ACTN1: variants seen among roughly 807,000 people sequenced by gnomAD.
The protein encoded by ACTN1 is actinin alpha 1.
ACTN1 carries 30 observed loss-of-function variants against 119.6 expected under a neutral mutation model. The ratio of observed to expected loss-of-function variants is 0.25; its 90% CI spans 0.19 to 0.34. ACTN1 has a LOEUF of 0.34. Ranked by LOEUF, ACTN1 falls within the 10% of genes least tolerant of loss-of-function variation. The pLI, the probability that ACTN1 is intolerant of heterozygous loss-of-function variation, is 1.00. For synonymous variants in ACTN1, 429 were observed against 472.6 expected (o/e 0.91, Z 1.20); for missense variants, 764 against 1,223.4 (o/e 0.62, Z 5.60).
At chr14:68,884,659 GGA>G in intron 13 of ACTN1, 114 bp downstream of exon 13, 1 of 889,884 alleles carries the variant, frequency 1.1e-6, no homozygotes, top group Non-Finnish European at 1.8e-6. Flanking sequence ...CAGGGTTGGG[GGA>G]GGTCTGGGGA....
At chr14:68,928,859 G>A (rs2035060343) in intron 1 of ACTN1, among the ~76,000 whole-genome samples, 2 of 152,108 alleles carry the variant, frequency 1.3e-5, no homozygotes, top group African/African-American at 2.4e-5. Context: ...CCCACCACGC[G>A]CTGTACTGTT....
chr14:68,945,160 G>A (rs1452555155), intron 1 of ACTN1, among the ~76,000 whole-genome samples: 3 of 60,658 alleles, frequency 4.9e-5, no homozygotes, highest in African/African-American at 3.0e-4. Flanking sequence ...TAAGACTCCG[G>A]TTCAAAAAAA....
intron 3 of ACTN1, among the ~76,000 whole-genome samples, chr14:68,914,766 G>A (rs955091919): frequency 2.0e-5 from 3 of 152,074 alleles, no homozygotes; most frequent in Non-Finnish European, 2.9e-5. Flanking sequence ...TTGAGACCCT[G>A]TCTCTTAAAA....
rs767875549 is a variant in ACTN1 at position 68,905,572 on chromosome 14, G to A, written c.595-836C>T. Among the ~76,000 whole-genome samples the A allele has an allele frequency of 8.5e-5, 13 of 152,166 alleles. 1 individual carries two copies. Among genetic ancestry groups the A allele is most frequent in the Admixed American group, 2.6e-4 (4 of 15,278 alleles). ...CCCAAGTACCCATTGATGGATGAAC[G>A]GATGAGCAAAACGTGGTGATACATA... On this transcript the variant is annotated intron_variant, in intron 6 of 21. Transcript: ENST00000394419.
rs2140073902 is a variant in ACTN1, at chr14:68,880,717, C to T, written c.2133+93G>A. 1.5e-6 allele frequency: 2 copies of T among 1,351,286 alleles called. No individual in the cohort carries two copies. Among genetic ancestry groups the T allele is most frequent in the Non-Finnish European group, 1.0e-6 (1 of 970,096 alleles). The allele number at this position is 1,351,286 out of a possible 1,614,324, so 83.7% of individuals were successfully genotyped here. A position where few individuals can be genotyped will look rare whatever the true frequency, so the allele number is the denominator to read the frequency against. The stretch of plus-strand genomic sequence containing the variant: ...GGGGTGAAGTTAATTTATCCTCCAA[C>T]TATGACCTGTTCCCTTGGAGACTTC... On this transcript the variant is annotated intron_variant, in intron 17 of 21. Coordinates refer to ENST00000394419, the MANE Select transcript of ACTN1 (RefSeq NM_001130004.2). This position sits in a 1 kb window ranked among gnomAD's most constrained non-coding sequence, Gnocchi z 4.6.
intron 10 of ACTN1, among the ~76,000 whole-genome samples, 177 bp downstream of exon 10, chr14:68,891,876 T>C (rs141745273): frequency 2.6e-3 from 393 of 152,244 alleles, no homozygotes; most frequent in African/African-American, 8.6e-3. Flanking sequence ...ATGGCCGAGT[T>C]TGGGATTGAG....
At chr14:68,946,285 G>A (rs972355952) in intron 1 of ACTN1, among the ~76,000 whole-genome samples, 1 of 152,154 alleles carries the variant, frequency 6.6e-6, no homozygotes, top group Admixed American at 6.5e-5. Context: ...AACTGGAAAG[G>A]ATGACATAGT....
chr14:68,935,262 G>T (rs1161687186), intron 1 of ACTN1, among the ~76,000 whole-genome samples: 1 of 151,860 alleles, frequency 6.6e-6, no homozygotes, highest in Non-Finnish European at 1.5e-5. Context: ...GAGCTCAGGT[G>T]ATCCACCTGC....
intron 14 of ACTN1, among the ~76,000 whole-genome samples, 189 bp downstream of exon 14, chr14:68,883,979 T>C (rs1400563948): frequency 6.6e-6 from 1 of 152,212 alleles, no homozygotes; most frequent in Admixed American, 6.5e-5. Context: ...ATAAACCTTT[T>C]TAATTTTTTT....
chr14:68,875,101 G>C, intron 21 of ACTN1, 84 bp from the exon 22 acceptor site: 4 of 1,581,232 alleles, frequency 2.5e-6, no homozygotes, highest in Non-Finnish European at 3.4e-6. Flanking sequence ...AAGCCTGGCG[G>C]CGTGAAGGCA....
intron 1 of ACTN1, among the ~76,000 whole-genome samples, chr14:68,935,319 T>C (rs537951448): frequency 2.0e-5 from 3 of 149,802 alleles, no homozygotes; most frequent in Admixed American, 2.0e-4. Context: ...CTACTGTGCC[T>C]GGCAATGTGG....
intron 1 of ACTN1, among the ~76,000 whole-genome samples, chr14:68,961,949 A>G (rs1486959430): frequency 6.6e-6 from 1 of 152,132 alleles, no homozygotes; most frequent in Non-Finnish European, 1.5e-5. Flanking sequence ...CTTCTCCTTC[A>G]CAAGACACCC....
intron 20 of ACTN1, chr14:68,877,604 T>C (rs1359559029): frequency 4.8e-6 from 1 of 206,596 alleles, no homozygotes; most frequent in East Asian, 1.4e-4. Context: ...AAGATAGGTA[T>C]TTTATTATCT....
At chr14:68,950,228 A>G (rs2036088603) in intron 1 of ACTN1, among the ~76,000 whole-genome samples, 3 of 145,906 alleles carry the variant, frequency 2.1e-5, no homozygotes, top group South Asian at 4.3e-4. Context: ...CGAGAGGAGG[A>G]GGTTGCAGTA....
rs564292358 is a variant in ACTN1, at chr14:68,928,764, G to C, written c.106-3092C>G. ...AAAATGATCCCGGGACCAGGTCTCA[G>C]AGGACTTGCTCTTGCTCCTCTGCAC... On this transcript the variant is annotated intron_variant, in intron 1 of 21. Transcript: ENST00000394419. 1.5e-4 allele frequency among the ~76,000 whole-genome samples: 23 copies of C among 152,330 alleles called. 1 individual carries two copies. Among genetic ancestry groups the C allele is most frequent in the African/African-American group, 5.0e-4 (21 of 41,588 alleles).
intron 1 of ACTN1, among the ~76,000 whole-genome samples, chr14:68,954,593 TG>T (rs1252553439): frequency 6.6e-6 from 1 of 152,206 alleles, no homozygotes; most frequent in Non-Finnish European, 1.5e-5. Flanking sequence ...CCCAAAGTGC[TG>T]GGATTACAGG....
intron 13 of ACTN1, among the ~76,000 whole-genome samples, chr14:68,884,564 T>A (rs1387225300): frequency 2.0e-5 from 3 of 152,156 alleles, no homozygotes; most frequent in African/African-American, 7.2e-5. Context: ...ACTGGGAGGA[T>A]GAGACATGTG....
rs2031671147 is a variant in ACTN1, at chr14:68,882,773, A to G, written c.1818+100T>C. 1 of 1,532,960 alleles carries G rather than the reference A, an allele frequency of 6.5e-7. No individual in the cohort carries two copies. The highest frequency in any genetic ancestry group is 8.9e-7 in the Non-Finnish European group (1 of 1,124,876). 95.0% of individuals were successfully genotyped at this position (1,532,960 alleles called of 1,614,324 possible). A position where few individuals can be genotyped will look rare whatever the true frequency, so the allele number is the denominator to read the frequency against. ...TGGACAAACAATGAGTGTTTACTAT[A>G]TGACAATTTTAAATGAAATTGACAA... On this transcript the variant is annotated intron_variant, in intron 15 of 21. Coordinates refer to ENST00000394419, the MANE Select transcript of ACTN1 (RefSeq NM_001130004.2). The surrounding 1 kb of genome is among the most constrained non-coding windows in gnomAD (Gnocchi z 4.5).
chr14:68,917,927 G>A (rs150892687), intron 3 of ACTN1, among the ~76,000 whole-genome samples: 26 of 152,300 alleles, frequency 1.7e-4, no homozygotes, highest in East Asian at 9.6e-4. Flanking sequence ...TTAGCCAGGC[G>A]TGGTGGCACA....
Sources: gnomAD v4.1 joint callset for allele counts (sites outside exome capture counted in the v4.1 genomes callset) on GRCh38, gnomAD v4.1.1 for gene constraint, Gnocchi (gnomAD v3.1) non-coding constraint, MANE v1.5 for transcripts, NCBI Gene and HGNC (gene_info 2026-07-23, HGNC 2026-07-21) for gene names.